PPCDC: variants seen among roughly 807,000 people sequenced by gnomAD.
PPCDC encodes the protein phosphopantothenoylcysteine decarboxylase.
PPCDC carries 20 observed loss-of-function variants against 20.7 expected under a neutral mutation model. The ratio of observed to expected loss-of-function variants is 0.97; its 90% CI spans 0.68 to 1.41. PPCDC has a LOEUF of 1.41. Among genes scored for constraint, PPCDC ranks in the 40% most tolerant of loss-of-function variants. The probability of loss-of-function intolerance (pLI) is 0.00; values close to 1 mark genes in which losing one functional copy is unlikely to be tolerated. For synonymous variants in PPCDC, 88 were observed against 100.3 expected (o/e 0.88, Z 0.73); for missense variants, 246 against 263.8 (o/e 0.93, Z 0.47).
Position 75,037,718 on chromosome 15 carries a change from A to C in PPCDC, c.136-5723A>C, listed in dbSNP as rs540852655. On this transcript the variant is annotated intron_variant, in intron 2 of 5. Coordinates refer to ENST00000342932, the MANE Select transcript of PPCDC (RefSeq NM_021823.5). ...ATTGCGCCGCTGCACTCCAGCCTAG[A>C]TGACAAAGTGAGACTCTGTTGTTGT... is the stretch of plus-strand genomic sequence containing the variant. 1.3e-5 allele frequency among the ~76,000 whole-genome samples: 2 copies of C among 152,326 alleles called. 1 individual carries two copies. Among genetic ancestry groups the C allele is most frequent in the African/African-American group, 4.8e-5 (2 of 41,576 alleles).
At chr15:75,026,604 C>G (rs1038270226) in intron 1 of PPCDC, among the ~76,000 whole-genome samples, 2 of 152,214 alleles carry the variant, frequency 1.3e-5, no homozygotes, top group African/African-American at 2.4e-5. Context: ...GCTAGAGAGC[C>G]AAGGGGCCTG....
chr15:75,032,727 C>CCG (rs1555413302), intron 2 of PPCDC, among the ~76,000 whole-genome samples: 1 of 123,118 alleles, frequency 8.1e-6, no homozygotes, highest in East Asian at 3.2e-4. Flanking sequence ...AAACTGGACC[C>CCG]CCCCCCCCAA....
At chr15:75,049,061 C>G in intron 5 of PPCDC, 89 bp from the exon 6 acceptor site, 5 of 1,272,112 alleles carry the variant, frequency 3.9e-6, no homozygotes, top group Non-Finnish European at 4.6e-6. Context: ...GCCTTGGGCT[C>G]TGGGTGGAGC....
rs1320994265 is a variant in PPCDC at position 75,044,531 on chromosome 15, T to G, written c.360+17T>G. ...AACTTGCTTGTGAGTGATGTCCTGG[T>G]GCCCTCGTCCGTCCCTGGGCCTCAC... On this transcript the variant is annotated intron_variant, in intron 4 of 5. Coordinates refer to ENST00000342932, the MANE Select transcript of PPCDC (RefSeq NM_021823.5). 2 of 1,611,580 alleles carry G rather than the reference T, an allele frequency of 1.2e-6. No homozygotes were observed. The highest frequency in any genetic ancestry group is 1.7e-6 in the Non-Finnish European group (2 of 1,178,302).
intron 2 of PPCDC, among the ~76,000 whole-genome samples, chr15:75,030,861 G>T (rs1231487494): frequency 2.0e-5 from 3 of 152,158 alleles, no homozygotes; most frequent in Non-Finnish European, 4.4e-5. Flanking sequence ...AGTATGTCCA[G>T]ACATCCCGGG....
In PPCDC at chr15:75,048,634, A is replaced by C; in HGVS notation, c.442A>C (p.Ile148Leu). The C allele has an allele frequency of 6.2e-7, 1 of 1,614,212 alleles. No homozygotes were observed. Among genetic ancestry groups the C allele is most frequent in the Non-Finnish European group, 8.5e-7 (1 of 1,180,030 alleles). ...AMNTAMWEHP[I>L]TAQQVDQLKA... Reference sequence around the variant, plus strand: ...GAACACCGCCATGTGGGAGCACCCGATCACAGCGCAGCAGGTAGACCAGCT... The same window carrying C: ...GAACACCGCCATGTGGGAGCACCCGCTCACAGCGCAGCAGGTAGACCAGCT... Residue 148 changes from isoleucine (I) to leucine (L), a missense_variant, in exon 5 of 6, where the codon ATC becomes CTC. Transcript: ENST00000342932.
chr15:75,048,854 A>G, intron 5 of PPCDC, 133 bp downstream of exon 5: 1 of 1,247,896 alleles, frequency 8.0e-7, no homozygotes, highest in Non-Finnish European at 1.1e-6. Context: ...TCAGCTGGAA[A>G]ATGGGAATCG....
At chr15:75,040,209 A>G (rs1158388188) in intron 2 of PPCDC, among the ~76,000 whole-genome samples, 1 of 152,112 alleles carries the variant, frequency 6.6e-6, no homozygotes, top group Non-Finnish European at 1.5e-5. Flanking sequence ...TGGCCTCCAG[A>G]GTAGCTGGGA....
chr15:75,048,386 G>T (rs2304902), intron 4 of PPCDC, among the ~76,000 whole-genome samples, 167 bp from the exon 5 acceptor site: 45,764 of 152,168 alleles, frequency 0.3, 8,891 homozygotes, highest in Non-Finnish European at 0.44. Flanking sequence ...GGAGAGAGGC[G>T]AGGAGACATA....
intron 2 of PPCDC, among the ~76,000 whole-genome samples, chr15:75,035,745 TCAC>T (rs1424349390): frequency 6.6e-6 from 1 of 152,132 alleles, no homozygotes; most frequent in East Asian, 1.9e-4. Context: ...GGTGGGCAGA[TCAC>T]CTGAGGCCAG....
At chr15:75,041,887 G>C (rs1336293539) in intron 2 of PPCDC, among the ~76,000 whole-genome samples, 2 of 152,196 alleles carry the variant, frequency 1.3e-5, no homozygotes, top group Non-Finnish European at 2.9e-5. Flanking sequence ...CGAGGAGGGG[G>C]TGCCTCAGAG....
chr15:75,042,061 C>T (rs1422409190), intron 2 of PPCDC, among the ~76,000 whole-genome samples: 4 of 152,218 alleles, frequency 2.6e-5, no homozygotes, highest in Admixed American at 6.5e-5. Flanking sequence ...ATTTTCTATG[C>T]GAAATCTTCC....
chr15:75,043,614 G>A, intron 3 of PPCDC, 78 bp downstream of exon 3: 2 of 1,288,858 alleles, frequency 1.6e-6, no homozygotes, highest in Admixed American at 2.1e-5. Flanking sequence ...ACGGCCTATG[G>A]TCTGGCAGCT....
At chr15:75,043,914 G>A (rs982923014) in intron 3 of PPCDC, among the ~76,000 whole-genome samples, 6 of 152,154 alleles carry the variant, frequency 3.9e-5, no homozygotes, top group Non-Finnish European at 8.8e-5. Context: ...TCTCCCCTGC[G>A]GATGGGTGGG....
At chr15:75,046,843 C>G (rs2066241791) in intron 4 of PPCDC, among the ~76,000 whole-genome samples, 1 of 152,272 alleles carries the variant, frequency 6.6e-6, no homozygotes, top group Non-Finnish European at 1.5e-5. Context: ...TGTCCTCTAG[C>G]CCACTAAGGC....
intron 2 of PPCDC, among the ~76,000 whole-genome samples, chr15:75,033,263 A>T (rs2066045351): frequency 6.6e-6 from 1 of 152,212 alleles, no homozygotes; most frequent in African/African-American, 2.4e-5. Context: ...TCGTGCTACT[A>T]CAGAGTTAAA....
chr15:75,024,144 C>T (rs1343718326), intron 1 of PPCDC, among the ~76,000 whole-genome samples: 1 of 152,126 alleles, frequency 6.6e-6, no homozygotes, highest in Non-Finnish European at 1.5e-5. Context: ...TCCTGCTGTC[C>T]TTGAAGTATT....
At chr15:75,046,605 T>G (rs1447903213) in intron 4 of PPCDC, among the ~76,000 whole-genome samples, 3 of 152,258 alleles carry the variant, frequency 2.0e-5, no homozygotes, top group Non-Finnish European at 4.4e-5. Flanking sequence ...TCCCTCGAAG[T>G]CACAAATGTT....
intron 2 of PPCDC, among the ~76,000 whole-genome samples, chr15:75,036,132 G>C (rs1472565525): frequency 6.6e-6 from 1 of 152,148 alleles, no homozygotes; most frequent in Non-Finnish European, 1.5e-5. Flanking sequence ...GCCAAGGAAG[G>C]CTCCTGCCCT....
Sources: allele counts gnomAD v4.1 joint callset (sites outside exome capture counted in the v4.1 genomes callset), GRCh38; gene constraint gnomAD v4.1.1; transcripts MANE v1.5; gene names NCBI Gene and HGNC (gene_info 2026-07-23, HGNC 2026-07-21).